Variants in FOXP2 observed in about 807,000 individuals in gnomAD.
FOXP2 encodes the protein forkhead box protein P2.
In FOXP2, 12 loss-of-function variants were observed where a neutral mutation model predicts 115.8. The ratio of observed to expected loss-of-function variants is 0.10; its 90% confidence interval spans 0.07 to 0.17. FOXP2 has a LOEUF of 0.17. Among genes scored for constraint, FOXP2 ranks in the 10% least tolerant of loss-of-function variants. The probability of loss-of-function intolerance (pLI) is 1.00; values close to 1 mark genes in which losing one functional copy is unlikely to be tolerated. For synonymous variants in FOXP2, 328 were observed against 297.7 expected (o/e 1.10, Z -1.05); for missense variants, 629 against 843.5 (o/e 0.75, Z 3.15).
chr7:114,200,831 G>A (rs1208439247), intron 1 of FOXP2, among the ~76,000 whole-genome samples: 1 of 151,890 alleles, frequency 6.6e-6, no homozygotes. Context: ...TCTAAACATT[G>A]ACCATTTCAA....
At chr7:114,279,722 T>C (rs1562851138) in intron 1 of FOXP2, among the ~76,000 whole-genome samples, 1 of 152,100 alleles carries the variant, frequency 6.6e-6, no homozygotes, top group South Asian at 2.1e-4. Flanking sequence ...GTGAATTGTT[T>C]TGATGATCAT....
At chr7:114,218,754 A>T (rs1794546918) in intron 1 of FOXP2, among the ~76,000 whole-genome samples, 1 of 152,222 alleles carries the variant, frequency 6.6e-6, no homozygotes, top group South Asian at 2.1e-4. Flanking sequence ...GTGTGGTTCT[A>T]TTATGTGCTG....
chr7:114,359,367 T>C (rs1397277918), intron 2 of FOXP2, among the ~76,000 whole-genome samples: 1 of 152,204 alleles, frequency 6.6e-6, no homozygotes, highest in African/African-American at 2.4e-5. Context: ...GAACCTCTGC[T>C]AGGGGAGCAC....
intron 3 of FOXP2, among the ~76,000 whole-genome samples, chr7:114,612,041 A>C (rs1263576729): frequency 6.6e-6 from 1 of 152,226 alleles, no homozygotes; most frequent in Non-Finnish European, 1.5e-5. Context: ...ATTTAATTAT[A>C]TGAAAAACCC....
chr7:114,246,759 A>T (rs1418657505), intron 1 of FOXP2, among the ~76,000 whole-genome samples: 4 of 152,146 alleles, frequency 2.6e-5, no homozygotes, highest in African/African-American at 4.8e-5. Flanking sequence ...TGCTTTTTGC[A>T]AGATGCCTTT....
intron 3 of FOXP2, among the ~76,000 whole-genome samples, chr7:114,602,390 G>A (rs1156608819): frequency 1.3e-5 from 2 of 151,732 alleles, no homozygotes; most frequent in Admixed American, 6.6e-5. Context: ...GTATCTCTTG[G>A]AAGCAGCTTA....
At chr7:114,175,614 T>C (rs1191806966) in intron 1 of FOXP2, among the ~76,000 whole-genome samples, 1 of 152,192 alleles carries the variant, frequency 6.6e-6, no homozygotes, top group East Asian at 1.9e-4. Context: ...CTACATATGG[T>C]GTATATTTTA....
intron 1 of FOXP2, among the ~76,000 whole-genome samples, chr7:114,187,595 T>G (rs1205421820): frequency 6.6e-6 from 1 of 152,240 alleles, no homozygotes; most frequent in African/African-American, 2.4e-5. Flanking sequence ...GCTTTATTCA[T>G]GTAAATACAG....
chr7:114,529,728 C>G (rs1799046505), intron 2 of FOXP2, among the ~76,000 whole-genome samples: 1 of 151,718 alleles, frequency 6.6e-6, no homozygotes, highest in Non-Finnish European at 1.5e-5. Flanking sequence ...CATAATTTCA[C>G]TCTGATAGAT....
chr7:114,304,376 A>G (rs1796954557), intron 2 of FOXP2, among the ~76,000 whole-genome samples: 1 of 151,828 alleles, frequency 6.6e-6, no homozygotes, highest in South Asian at 2.1e-4. Context: ...TCATTTTTAT[A>G]TTGTTAAAAT....
chr7:114,430,221 G>T (rs1014710032), intron 2 of FOXP2, among the ~76,000 whole-genome samples: 1 of 151,646 alleles, frequency 6.6e-6, no homozygotes, highest in African/African-American at 2.4e-5. Flanking sequence ...GATACGAAAA[G>T]TACCGACTTT....
At chr7:114,451,276 A>G (rs1457868845) in intron 2 of FOXP2, among the ~76,000 whole-genome samples, 1 of 152,056 alleles carries the variant, frequency 6.6e-6, no homozygotes, top group Admixed American at 6.6e-5. Flanking sequence ...CTAGATCTAG[A>G]AAGGCGGTAG....
At chr7:114,265,173 G>C (rs1795865927) in intron 1 of FOXP2, among the ~76,000 whole-genome samples, 1 of 152,108 alleles carries the variant, frequency 6.6e-6, no homozygotes. Context: ...TCTCTTCTGA[G>C]ACAAGGCAAG....
At chr7:114,210,869 C>G (rs540534631) in intron 1 of FOXP2, among the ~76,000 whole-genome samples, 1 of 152,292 alleles carries the variant, frequency 6.6e-6, no homozygotes, top group Non-Finnish European at 1.5e-5. Flanking sequence ...GAGATCCCAT[C>G]CAGTGAGGAG....
At chr7:114,606,075 A>G (rs1171710494) in intron 3 of FOXP2, among the ~76,000 whole-genome samples, 1 of 152,192 alleles carries the variant, frequency 6.6e-6, no homozygotes, top group Non-Finnish European at 1.5e-5. Context: ...AAGAGGCATT[A>G]TAGAAATGAT....
intron 2 of FOXP2, among the ~76,000 whole-genome samples, chr7:114,507,527 CA>C (rs1797880323): frequency 6.6e-6 from 1 of 151,686 alleles, no homozygotes; most frequent in South Asian, 2.1e-4. Context: ...GAGAAATAAA[CA>C]AATTAGGAAA....
At chr7:114,531,064 A>G (rs552153324) in intron 2 of FOXP2, among the ~76,000 whole-genome samples, 1 of 151,944 alleles carries the variant, frequency 6.6e-6, no homozygotes, top group East Asian at 1.9e-4. Context: ...CCCCTAATTA[A>G]AAACAAATGT....
chr7:114,181,859 A>G (rs1333739077), intron 1 of FOXP2, among the ~76,000 whole-genome samples: 1 of 152,120 alleles, frequency 6.6e-6, no homozygotes, highest in Non-Finnish European at 1.5e-5. Flanking sequence ...CTATATCTGT[A>G]GAATGGTTCA....
chr7:114,546,603 T>TG (rs1799937685), intron 3 of FOXP2, among the ~76,000 whole-genome samples: 1 of 152,142 alleles, frequency 6.6e-6, no homozygotes, highest in African/African-American at 2.4e-5. Context: ...CCAACACCCC[T>TG]TATCTGATTG....
Sources: allele counts gnomAD v4.1 joint callset (sites outside exome capture counted in the v4.1 genomes callset), GRCh38; gene constraint gnomAD v4.1.1; transcripts MANE v1.5; gene names NCBI Gene and HGNC (gene_info 2026-07-23, HGNC 2026-07-21).